Variants in GLIS1 observed in about 807,000 individuals in gnomAD.
The protein encoded by GLIS1 is GLIS family zinc finger 1, also known as zinc finger protein GLIS1.
A neutral mutation model predicts 63.8 loss-of-function variants in GLIS1; 24 were observed. That is an observed-to-expected ratio of 0.38 (90% CI 0.27 to 0.53). GLIS1 has a LOEUF of 0.53. GLIS1 is among the 20% of genes least tolerant of loss of function. The pLI is 0.85. For missense variants in GLIS1, 1,036 were observed against 1,074.1 expected (o/e 0.96, Z 0.50); for synonymous variants, 450 against 482.5 (o/e 0.93, Z 0.88).
At chr1:53,522,721 C>A (rs542061649) in intron 6 of GLIS1, among the ~76,000 whole-genome samples, 258 of 152,070 alleles carry the variant, frequency 1.7e-3, no homozygotes, top group African/African-American at 6.1e-3. Context: ...CCAGCCTGGA[C>A]AACAAAGTGA....
At chr1:53,630,355 G>C (rs1645638506) in intron 2 of GLIS1, among the ~76,000 whole-genome samples, 2 of 152,078 alleles carry the variant, frequency 1.3e-5, no homozygotes, top group African/African-American at 4.8e-5. Context: ...TGCTTCCTTA[G>C]AAAAACTTCC....
intron 2 of GLIS1, among the ~76,000 whole-genome samples, chr1:53,662,250 A>T (rs543266113): frequency 6.6e-6 from 1 of 152,222 alleles, no homozygotes; most frequent in Admixed American, 6.5e-5. Flanking sequence ...CAGCGAGGAC[A>T]CTCGGCAAAG....
intron 4 of GLIS1, among the ~76,000 whole-genome samples, chr1:53,576,970 C>A (rs1351240407): frequency 2.0e-5 from 3 of 152,122 alleles, no homozygotes; most frequent in Non-Finnish European, 4.4e-5. Flanking sequence ...GACCCCAGGG[C>A]TTTTCCTGAT....
chr1:53,632,549 A>G (rs1387733674), intron 2 of GLIS1, among the ~76,000 whole-genome samples: 4 of 119,010 alleles, frequency 3.4e-5, no homozygotes, highest in East Asian at 2.8e-4. Context: ...TGACTGAGGG[A>G]CATGTGAATG....
intron 4 of GLIS1, among the ~76,000 whole-genome samples, chr1:53,569,012 G>C (rs779057706): frequency 6.6e-6 from 1 of 152,168 alleles, no homozygotes; most frequent in Non-Finnish European, 1.5e-5. Context: ...AAAAGACCTG[G>C]AAGAAACTTA....
intron 2 of GLIS1, among the ~76,000 whole-genome samples, chr1:53,683,216 T>C (rs529927732): frequency 4.6e-5 from 7 of 152,294 alleles, no homozygotes; most frequent in South Asian, 2.1e-4. Flanking sequence ...ATATACACCA[T>C]GAACACCTCC....
chr1:53,704,803 G>A (rs1646560535), intron 2 of GLIS1, among the ~76,000 whole-genome samples: 2 of 152,198 alleles, frequency 1.3e-5, no homozygotes, highest in Admixed American at 6.5e-5. Context: ...CTCGTAGTGA[G>A]AGAGAGCAGA....
chr1:53,719,600 T>C (rs1296585264), intron 2 of GLIS1, among the ~76,000 whole-genome samples: 2 of 152,158 alleles, frequency 1.3e-5, no homozygotes, highest in African/African-American at 4.8e-5. Context: ...CACGTAGTCC[T>C]AGTGGTGCAC....
At chr1:53,682,553 T>C (rs759925680) in intron 2 of GLIS1, among the ~76,000 whole-genome samples, 1 of 152,236 alleles carries the variant, frequency 6.6e-6, no homozygotes, top group African/African-American at 2.4e-5. Context: ...AGTGCTGGCG[T>C]TGCAAGTTGG....
chr1:53,674,696 A>G (rs941045681), intron 2 of GLIS1, among the ~76,000 whole-genome samples: 4 of 152,192 alleles, frequency 2.6e-5, no homozygotes, highest in African/African-American at 9.7e-5. Context: ...AACCTGAGGA[A>G]CATGTAATGA....
rs971463859 is a variant in GLIS1 at position 53,694,221 on chromosome 1, G to C, written c.259+43585C>G. ...ACCAATGGGAGTTGGCCAAATGGAG[G>C]GGGTGGGCCCTCTAGGTGAGAAACG... On this transcript the variant is annotated intron_variant, in intron 2 of 10. Coordinates refer to ENST00000628545, the MANE Select transcript of GLIS1 (RefSeq NM_001367484.1). 1.2e-4 allele frequency among the ~76,000 whole-genome samples: 19 copies of C among 152,190 alleles called. 1 individual carries two copies. The highest frequency in any genetic ancestry group is 1.0e-3 in the Admixed American group (16 of 15,288).
chr1:53,553,258 G>A (rs547988497), intron 4 of GLIS1, among the ~76,000 whole-genome samples: 10 of 152,276 alleles, frequency 6.6e-5, no homozygotes, highest in Admixed American at 2.0e-4. Flanking sequence ...CCCCAGCACA[G>A]GAATCCACTC....
chr1:53,514,263 C>T (rs2100267764), intron 8 of GLIS1, among the ~76,000 whole-genome samples: 1 of 152,272 alleles, frequency 6.6e-6, no homozygotes, highest in African/African-American at 2.4e-5. Flanking sequence ...ACAGATGAGG[C>T]AAGGAGACAC....
At chr1:53,604,732 G>A (rs1049225736) in intron 2 of GLIS1, among the ~76,000 whole-genome samples, 3 of 152,132 alleles carry the variant, frequency 2.0e-5, no homozygotes, top group African/African-American at 4.8e-5. Flanking sequence ...CTCAGAGAGG[G>A]CAGGTGATTT....
At chr1:53,714,534 T>C (rs1462365834) in intron 2 of GLIS1, among the ~76,000 whole-genome samples, 2 of 152,226 alleles carry the variant, frequency 1.3e-5, no homozygotes, top group South Asian at 2.1e-4. Context: ...CTCAAGACAG[T>C]GTGAAAATTC....
intron 4 of GLIS1, among the ~76,000 whole-genome samples, chr1:53,552,840 G>A (rs1184832657): frequency 1.3e-5 from 2 of 152,242 alleles, no homozygotes; most frequent in Admixed American, 1.3e-4. Flanking sequence ...GGCAGGCAGA[G>A]ACTAACTACC....
chr1:53,529,603 G>C (rs971648790), intron 5 of GLIS1, among the ~76,000 whole-genome samples, 188 bp downstream of exon 5: 1 of 152,184 alleles, frequency 6.6e-6, no homozygotes, highest in Non-Finnish European at 1.5e-5. Flanking sequence ...ATCTAGTGGA[G>C]AGAGGCCAGG....
At position 53,594,292 on chromosome 1, in the gene GLIS1, G is replaced by T; in HGVS notation, c.1136C>A (p.Ala379Glu). The T allele has an allele frequency of 6.2e-7, 1 of 1,612,870 alleles. No homozygotes were observed. Among genetic ancestry groups the T allele is most frequent in the Non-Finnish European group, 8.5e-7 (1 of 1,179,930 alleles). Residue 379 changes from alanine (A) to glutamate (E), a missense_variant, in exon 4 of 11, where the codon GCA (alanine) becomes GAA (glutamate). Ala to Glu is a moderately radical substitution (Grantham distance 107, BLOSUM62 -1). Transcript: ENST00000628545. ...RQACRWVDCCAAYEQQEELVR... is the reference protein window; with the variant it reads ...RQACRWVDCCEAYEQQEELVR... ...CAGCTCCTCCTGCTGCTCATAGGCT[G>T]CACAGCAGTCCACCCAGCGGCACGC... is the stretch of plus-strand genomic sequence containing the variant.
chr1:53,622,749 G>A (rs1334999160), intron 2 of GLIS1, among the ~76,000 whole-genome samples: 5 of 152,140 alleles, frequency 3.3e-5, no homozygotes, highest in African/African-American at 7.2e-5. Flanking sequence ...ATTCTCCCCC[G>A]GAGCCTCCAG....
Sources: gnomAD v4.1 joint callset for allele counts (sites outside exome capture counted in the v4.1 genomes callset) on GRCh38, gnomAD v4.1.1 for gene constraint, MANE v1.5 for transcripts, NCBI Gene and HGNC (gene_info 2026-07-23, HGNC 2026-07-21) for gene names.